Variants in ZFP1 observed in about 807,000 individuals in gnomAD.
The protein encoded by ZFP1 is ZFP1 zinc finger protein, also known as zinc finger protein 1 homolog.
In ZFP1, 32 loss-of-function variants were observed where a neutral mutation model predicts 38.5. The ratio of observed to expected loss-of-function variants is 0.83; its 90% CI spans 0.63 to 1.12. The LOEUF (loss-of-function observed/expected upper bound fraction) is 1.12. Ranked by LOEUF, ZFP1 falls within the 50% of genes most tolerant of loss-of-function variation. The probability of loss-of-function intolerance (pLI) is 0.00; values close to 1 mark genes in which losing one functional copy is unlikely to be tolerated. For missense variants in ZFP1, 616 were observed against 480.8 expected (o/e 1.28, Z -2.63); for synonymous variants, 245 against 168.8 (o/e 1.45, Z -3.50).
At chr16:75,130,777 T>A in the ZFP1 span, among the ~76,000 whole-genome samples, 1 of 152,090 alleles carries the variant, frequency 6.6e-6, no homozygotes, top group South Asian at 2.1e-4. Context: ...ACCGTAATAC[T>A]CACATGAGTA....
At chr16:75,159,213 T>G (rs1016775115) in intron 2 of ZFP1, among the ~76,000 whole-genome samples, 1 of 151,280 alleles carries the variant, frequency 6.6e-6, no homozygotes, top group South Asian at 2.1e-4. Context: ...TTTGGCTTGC[T>G]TGATTTCTCC....
At chr16:75,124,646 A>C in the ZFP1 span, among the ~76,000 whole-genome samples, 2 of 150,212 alleles carry the variant, frequency 1.3e-5, no homozygotes, top group African/African-American at 2.4e-5. Context: ...AATTAGCTGG[A>C]CGTGGCGGCA....
chr16:75,154,423 T>G (rs1245189388), intron 2 of ZFP1, among the ~76,000 whole-genome samples: 2 of 152,206 alleles, frequency 1.3e-5, no homozygotes, highest in Admixed American at 6.6e-5. Context: ...GCAGGTTTTT[T>G]GGGGGCATGT....
In ZFP1 at chr16:75,169,946, A is replaced by C. The variant is rs2038331102; in HGVS notation, c.836A>C (p.Gln279Pro). The change falls in exon 4 of 4, where the codon CAA becomes CCA. Residue 279 changes from glutamine to proline, a missense_variant. By Grantham distance (76) the Gln-to-Pro change is moderately conservative. Coordinates refer to ENST00000570010, the MANE Select transcript of ZFP1 (RefSeq NM_153688.4). Reference protein sequence around the residue: ...ECSECGKTFAQKFELTTHQRI... With the variant: ...ECSECGKTFAPKFELTTHQRI... ...AGTGAATGTGGAAAGACATTTGCCC[A>C]AAAGTTTGAACTCACCACACACCAG... The C allele has an allele frequency of 6.2e-7, 1 of 1,614,198 alleles. No homozygotes were observed. Among genetic ancestry groups the C allele is most frequent in the East Asian group, 2.2e-5 (1 of 44,888 alleles).
rs367856248 is a variant in ZFP1 at position 75,166,929 on chromosome 16, T to G, written c.142+33T>G. 3.3e-5 allele frequency: 53 copies of G among 1,595,172 alleles called. No homozygotes were observed. The Middle Eastern group carries it at 1.0e-3, about 30-fold the overall frequency. ...CGGTTTTCAGGTACAGCTCACCATG[T>G]GCCTAGAGGTATTTATGTCCTGTCT... is the stretch of plus-strand genomic sequence containing the variant. On this transcript the variant is annotated intron_variant, in intron 3 of 3. Coordinates refer to ENST00000570010, the MANE Select transcript of ZFP1 (RefSeq NM_153688.4).
chr16:75,149,781 A>T (rs1197838663), intron 1 of ZFP1, among the ~76,000 whole-genome samples: 1 of 148,672 alleles, frequency 6.7e-6, no homozygotes, highest in Middle Eastern at 3.5e-3. Context: ...ACATCACTCA[A>T]ATTTTTATAT....
At chr16:75,138,967 G>C in the ZFP1 span, among the ~76,000 whole-genome samples, 28 of 152,208 alleles carry the variant, frequency 1.8e-4, no homozygotes, top group African/African-American at 6.3e-4. Flanking sequence ...TTTACCTCTA[G>C]GATCTTCCTC....
At chr16:75,147,400 C>T (rs2036965537), upstream of ZFP1, among the ~76,000 whole-genome samples, 1 of 152,056 alleles carries the variant, frequency 6.6e-6, no homozygotes. Context: ...ACCTCAGCCT[C>T]CCGAGTAGCT....
At chr16:75,157,531 A>G (rs910206401) in intron 2 of ZFP1, among the ~76,000 whole-genome samples, 10 of 152,104 alleles carry the variant, frequency 6.6e-5, no homozygotes, top group Non-Finnish European at 8.8e-5. Flanking sequence ...GGTGAGAGCC[A>G]CTGCACCTGG....
At chr16:75,135,826 A>G in the ZFP1 span, among the ~76,000 whole-genome samples, 2 of 152,082 alleles carry the variant, frequency 1.3e-5, no homozygotes, top group African/African-American at 2.4e-5. Context: ...TTGGTTATTT[A>G]TTTTTTGAGA....
the ZFP1 span, among the ~76,000 whole-genome samples, chr16:75,140,687 C>G: frequency 1.3e-5 from 2 of 152,102 alleles, no homozygotes; most frequent in African/African-American, 2.4e-5. Flanking sequence ...AGGCCGGGCA[C>G]GGTGGCTCAC....
chr16:75,169,386 G>C lies in ZFP1; in HGVS notation c.276G>C (p.Leu92=), dbSNP rs1445167471. Residue 92 remains leucine (L), a synonymous_variant, in exon 4 of 4, where the codon CTG becomes CTC. Coordinates refer to ENST00000570010, the MANE Select transcript of ZFP1 (RefSeq NM_153688.4). Reference sequence around the variant, plus strand: ...ATCTCTTTGGAAAAGCACTTAATCTGAACACAGACTTTGTTTCTTTAAGAC... The same window carrying C: ...ATCTCTTTGGAAAAGCACTTAATCTCAACACAGACTTTGTTTCTTTAAGAC... ...RGDLFGKALN[L]NTDFVSLRQV... 6.2e-7 allele frequency: 1 copy of C among 1,614,076 alleles called. No homozygotes were observed. The highest frequency in any genetic ancestry group is 8.5e-7 in the Non-Finnish European group (1 of 1,180,020).
At chr16:75,166,464 G>A in intron 2 of ZFP1, 1 of 823,314 alleles carries the variant, frequency 1.2e-6, no homozygotes, top group Non-Finnish European at 1.5e-6. Flanking sequence ...GACCTCAAGT[G>A]ATTCCCCCGC....
rs1340972417 is a variant in ZFP1 at position 75,170,746 on chromosome 16, C to T, written c.*412C>T. The stretch of plus-strand genomic sequence containing the variant: ...GCATAATCACTGGGAATTTGAAATT[C>T]TTGTCCTCTGTGATAATTAGGACAT... On this transcript the variant is annotated 3_prime_UTR_variant, in exon 4 of 4. Coordinates refer to ENST00000570010, the MANE Select transcript of ZFP1 (RefSeq NM_153688.4). 4.4e-5 allele frequency: 7 copies of T among 160,236 alleles called. No individual in the cohort carries two copies. The highest frequency in any genetic ancestry group is 1.2e-4 in the Admixed American group (2 of 16,298). 9.9% of individuals were successfully genotyped at this position (160,236 alleles called of 1,614,324 possible).
At chr16:75,144,827 T>TTTTTC (rs1325424778), upstream of ZFP1, among the ~76,000 whole-genome samples, 2 of 152,196 alleles carry the variant, frequency 1.3e-5, no homozygotes, top group Non-Finnish European at 2.9e-5. Flanking sequence ...CTTCTTTCTT[T>TTTTTC]TTTTCTTTTC....
the ZFP1 span, among the ~76,000 whole-genome samples, chr16:75,124,591 G>C: frequency 6.6e-6 from 1 of 150,502 alleles, no homozygotes; most frequent in African/African-American, 2.4e-5. Context: ...AGACCATCCT[G>C]GCTAACACGG....
the ZFP1 span, among the ~76,000 whole-genome samples, chr16:75,140,786 C>T: frequency 1.4e-4 from 22 of 152,268 alleles, no homozygotes; most frequent in Middle Eastern, 6.8e-3. Context: ...GGTGAAACCC[C>T]GTCTCTACTA....
the ZFP1 span, among the ~76,000 whole-genome samples, chr16:75,142,187 C>A: frequency 1.4e-5 from 2 of 147,592 alleles, no homozygotes; most frequent in Non-Finnish European, 3.0e-5. Context: ...GAAACCCCGT[C>A]TCCACTAAAA....
the ZFP1 span, among the ~76,000 whole-genome samples, chr16:75,136,676 C>G: frequency 1.3e-5 from 2 of 151,862 alleles, no homozygotes; most frequent in African/African-American, 2.4e-5. Context: ...TAAGACCAGC[C>G]TGGACAGCAT....
Sources: allele counts gnomAD v4.1 joint callset (sites outside exome capture counted in the v4.1 genomes callset), GRCh38; gene constraint gnomAD v4.1.1; transcripts MANE v1.5; gene names NCBI Gene and HGNC (gene_info 2026-07-23, HGNC 2026-07-21).